CLRN1: variants seen among roughly 807,000 people sequenced by gnomAD.
The protein encoded by CLRN1 is clarin-1.
In CLRN1, 15 loss-of-function variants were observed where a neutral mutation model predicts 18.7. The observed-to-expected ratio is 0.80, with a 90% confidence interval of 0.54 to 1.23. The LOEUF (loss-of-function observed/expected upper bound fraction) is 1.23, where lower values mean the gene tolerates loss of function less well. Among genes scored for constraint, CLRN1 ranks in the 50% most tolerant of loss-of-function variants. The pLI, the probability that CLRN1 is intolerant of heterozygous loss-of-function variation, is 0.00. For synonymous variants in CLRN1, 104 were observed against 102.9 expected (o/e 1.01, Z -0.07); for missense variants, 311 against 277.5 (o/e 1.12, Z -0.86).
At chr3:150,972,995 C>T, upstream of CLRN1, 1 of 514,108 alleles carries the variant, frequency 1.9e-6, no homozygotes, top group East Asian at 3.8e-5. Flanking sequence ...CTTCAAGTAT[C>T]TCCTCTGTGT....
downstream of CLRN1, chr3:150,926,176 T>A (rs1712784022): frequency 6.4e-6 from 1 of 157,086 alleles, no homozygotes; most frequent in Non-Finnish European, 1.4e-5. Context: ...TGGGTTTGCC[T>A]CTTAGTTCCT....
chr3:150,957,137 C>A (rs1168598748), intron 1 of CLRN1, among the ~76,000 whole-genome samples: 1 of 151,922 alleles, frequency 6.6e-6, no homozygotes, highest in African/African-American at 2.4e-5. Flanking sequence ...TTGCACAGAC[C>A]TTTCTAATTC....
At chr3:150,948,300 C>T (rs952983059) in intron 1 of CLRN1, among the ~76,000 whole-genome samples, 3 of 151,586 alleles carry the variant, frequency 2.0e-5, no homozygotes, top group African/African-American at 4.8e-5. Context: ...CTGGCTAACA[C>T]GGTGAAACCC....
intron 1 of CLRN1, among the ~76,000 whole-genome samples, chr3:150,958,703 G>C (rs187173337): frequency 1.3e-5 from 2 of 152,272 alleles, no homozygotes; most frequent in Admixed American, 1.3e-4. Flanking sequence ...TCCTCACATA[G>C]AGTACCTCTC....
intron 1 of CLRN1, among the ~76,000 whole-genome samples, chr3:150,947,015 C>T (rs1377946059): frequency 6.6e-6 from 1 of 150,960 alleles, no homozygotes; most frequent in East Asian, 2.0e-4. Flanking sequence ...GAAAATTGGA[C>T]ATGGACTGAG....
At chr3:150,936,062 T>C (rs1030438737) in intron 2 of CLRN1, among the ~76,000 whole-genome samples, 4 of 152,010 alleles carry the variant, frequency 2.6e-5, no homozygotes, top group African/African-American at 9.7e-5. Flanking sequence ...GTCAGATGAG[T>C]AGGTTGTGAA....
rs1486353965 is a variant in CLRN1 at position 150,941,779 on chromosome 3, C to G, written c.254-18G>C. ...TGGAAAAACTGAAGATAAGACAAAA[C>G]TAGGGTTAGAAGAAGTTTCATTAGC... On this transcript the variant is annotated intron_variant, in intron 1 of 2. Transcript: ENST00000327047. 6.2e-7 allele frequency: 1 copy of G among 1,611,830 alleles called. No individual in the cohort carries two copies. Among genetic ancestry groups the G allele is most frequent in the Non-Finnish European group, 8.5e-7 (1 of 1,178,350 alleles).
At chr3:150,943,997 T>A (rs1424157568) in intron 1 of CLRN1, 1 of 1,238,906 alleles carries the variant, frequency 8.1e-7, no homozygotes, top group Admixed American at 2.0e-5. Context: ...ATAGCCTGCA[T>A]CAACAACAAG....
chr3:150,952,998 C>T (rs756599570), intron 1 of CLRN1, among the ~76,000 whole-genome samples: 6 of 152,288 alleles, frequency 3.9e-5, no homozygotes, highest in East Asian at 1.9e-4. Context: ...CCAGAACTCT[C>T]GTAACACCCT....
intron 1 of CLRN1, among the ~76,000 whole-genome samples, chr3:150,963,358 G>T (rs1199501608): frequency 1.3e-5 from 2 of 152,084 alleles, no homozygotes; most frequent in East Asian, 3.9e-4. Context: ...AACTTACAAG[G>T]GATGTGATGG....
At chr3:150,930,576 C>A (rs1052352435) in intron 2 of CLRN1, among the ~76,000 whole-genome samples, 2 of 152,108 alleles carry the variant, frequency 1.3e-5, no homozygotes, top group Non-Finnish European at 2.9e-5. Context: ...AAAACCAGAG[C>A]TCTCCCCTGG....
At chr3:150,938,478 T>C (rs1292898422) in intron 2 of CLRN1, among the ~76,000 whole-genome samples, 1 of 152,048 alleles carries the variant, frequency 6.6e-6, no homozygotes, top group African/African-American at 2.4e-5. Context: ...GGGTACCATA[T>C]GAGATTTAAG....
Position 150,926,568 on chromosome 3 carries a change from G to A in CLRN1, c.*1368C>T, listed in dbSNP as rs531845721. On this transcript the variant is annotated 3_prime_UTR_variant, in exon 3 of 3. Transcript: ENST00000327047. ...TTTCCTGATTTAAGGGGAAAAACCA[G>A]CATCTGGAAACTCGGTGTGTTCTGA... is the stretch of plus-strand genomic sequence containing the variant. 30 of 593,526 alleles carry A rather than the reference G, an allele frequency of 5.1e-5. No homozygotes were observed. The Middle Eastern group carries it at 1.4e-3, about 27-fold the overall frequency. 36.8% of individuals were successfully genotyped at this position (593,526 alleles called of 1,614,324 possible).
intron 1 of CLRN1, among the ~76,000 whole-genome samples, chr3:150,968,131 A>G (rs945575179): frequency 6.6e-6 from 1 of 152,194 alleles, no homozygotes; most frequent in African/African-American, 2.4e-5. Flanking sequence ...TCATTGAACT[A>G]TCTTGGCAAT....
chr3:150,956,716 C>T (rs1714753363), intron 1 of CLRN1, among the ~76,000 whole-genome samples: 1 of 152,122 alleles, frequency 6.6e-6, no homozygotes, highest in East Asian at 1.9e-4. Context: ...GGGCTGTGAG[C>T]CTTGCCTCCC....
At position 150,927,911 on chromosome 3, in the gene CLRN1, G is replaced by A; in HGVS notation, c.*25C>T. The A allele has an allele frequency of 6.2e-7, 1 of 1,613,710 alleles. No homozygotes were observed. The highest frequency in any genetic ancestry group is 8.5e-7 in the Non-Finnish European group (1 of 1,179,868). ...GTGACCAAAGCAAGTCTACTCCCTTGTAAAATTATAGAAAGGTTTGCCTTT... is the reference window on the plus strand; with the variant it reads ...GTGACCAAAGCAAGTCTACTCCCTTATAAAATTATAGAAAGGTTTGCCTTT... On this transcript the variant is annotated 3_prime_UTR_variant, in exon 3 of 3. Coordinates refer to ENST00000327047, the MANE Select transcript of CLRN1 (RefSeq NM_174878.3).
chr3:150,945,027 G>A (rs1184040263), intron 1 of CLRN1, among the ~76,000 whole-genome samples: 1 of 152,188 alleles, frequency 6.6e-6, no homozygotes, highest in Non-Finnish European at 1.5e-5. Flanking sequence ...GGCAAACAAG[G>A]TGCCTAGGGT....
intron 1 of CLRN1, among the ~76,000 whole-genome samples, chr3:150,959,628 CA>C (rs202231765): frequency 0.27 from 23,390 of 87,672 alleles, 1,679 homozygotes; most frequent in East Asian, 0.46. Context: ...GACTTTGTCT[CA>C]AAAAAAAAAA....
intron 2 of CLRN1, among the ~76,000 whole-genome samples, chr3:150,930,470 A>G (rs768906789): frequency 6.6e-6 from 1 of 152,092 alleles, no homozygotes; most frequent in Non-Finnish European, 1.5e-5. Flanking sequence ...CAAATAATAT[A>G]ATTTTCTTGA....
Sources: allele counts gnomAD v4.1 joint callset (sites outside exome capture counted in the v4.1 genomes callset), GRCh38; gene constraint gnomAD v4.1.1; transcripts MANE v1.5; gene names NCBI Gene and HGNC (gene_info 2026-07-23, HGNC 2026-07-21).